Variants in RANBP2 observed in about 807,000 individuals in gnomAD.
RANBP2 encodes RAN binding protein 2, also known as E3 SUMO-protein ligase RanBP2.
RANBP2 carries 57 observed loss-of-function variants against 303.6 expected under a neutral mutation model. The observed-to-expected ratio is 0.19, with a 90% confidence interval of 0.15 to 0.23. The LOEUF (loss-of-function observed/expected upper bound fraction) is 0.23, where lower values mean the gene tolerates loss of function less well. Among genes scored for constraint, RANBP2 ranks in the 10% least tolerant of loss-of-function variants. The pLI, the probability that RANBP2 is intolerant of heterozygous loss-of-function variation, is 1.00. For missense variants in RANBP2, 3,138 were observed against 3,780.8 expected, an observed-to-expected ratio of 0.83 and a Z score of 4.46; for synonymous variants, 1,167 against 1,301.5, an observed-to-expected ratio of 0.90 and a Z score of 2.23.
the RANBP2 span, among the ~76,000 whole-genome samples, chr2:109,328,337 TC>T: frequency 6.6e-6 from 1 of 152,178 alleles, no homozygotes; most frequent in Non-Finnish European, 1.5e-5. Flanking sequence ...TCCACCTATT[TC>T]CTTCATGCCA....
At chr2:109,537,691 A>C in the RANBP2 span, among the ~76,000 whole-genome samples, 2 of 152,122 alleles carry the variant, frequency 1.3e-5, no homozygotes, top group Non-Finnish European at 2.9e-5. Flanking sequence ...CACATCTGTA[A>C]TCTCAGCACT....
At chr2:109,250,917 T>G in the RANBP2 span, among the ~76,000 whole-genome samples, 1 of 152,104 alleles carries the variant, frequency 6.6e-6, no homozygotes, top group African/African-American at 2.4e-5. Context: ...TTTTAAAAAT[T>G]ATCTTTTTAA....
the RANBP2 span, among the ~76,000 whole-genome samples, chr2:109,715,063 G>A: frequency 1.3e-5 from 2 of 151,964 alleles, no homozygotes; most frequent in Non-Finnish European, 2.9e-5. Flanking sequence ...TGCCTTCTGG[G>A]TTCAAGTGAT....
chr2:109,157,601 C>G, the RANBP2 span, among the ~76,000 whole-genome samples: 1 of 152,194 alleles, frequency 6.6e-6, no homozygotes, highest in Non-Finnish European at 1.5e-5. Flanking sequence ...GAGATTGGAA[C>G]TTGGGCTTCC....
chr2:109,234,795 T>A, the RANBP2 span, among the ~76,000 whole-genome samples: 7 of 152,172 alleles, frequency 4.6e-5, no homozygotes, highest in Non-Finnish European at 8.8e-5. Flanking sequence ...ACACCTGACT[T>A]CCTGGGGAAA....
chr2:109,320,728 C>A, the RANBP2 span, among the ~76,000 whole-genome samples: 5 of 152,188 alleles, frequency 3.3e-5, no homozygotes, highest in Non-Finnish European at 7.3e-5. Flanking sequence ...GATGAACAGA[C>A]AAGTAAACAA....
At chr2:108,814,754 G>A in the RANBP2 span, among the ~76,000 whole-genome samples, 1 of 150,496 alleles carries the variant, frequency 6.6e-6, no homozygotes, top group Non-Finnish European at 1.5e-5. Context: ...CTGGGTTCAA[G>A]CCTCCCGAAG....
chr2:109,432,306 C>G, the RANBP2 span, among the ~76,000 whole-genome samples: 20 of 152,160 alleles, frequency 1.3e-4, no homozygotes, highest in Non-Finnish European at 2.4e-4. Flanking sequence ...CGAAGGCTCC[C>G]TGCCTCGTGG....
chr2:109,374,459 A>T, the RANBP2 span, among the ~76,000 whole-genome samples: 1 of 152,194 alleles, frequency 6.6e-6, no homozygotes, highest in Non-Finnish European at 1.5e-5. Flanking sequence ...TGGATCGGAA[A>T]GTCCTGGTTT....
the RANBP2 span, among the ~76,000 whole-genome samples, chr2:109,282,679 A>G: frequency 6.6e-6 from 1 of 152,202 alleles, no homozygotes; most frequent in Non-Finnish European, 1.5e-5. Context: ...CTTCACTTAA[A>G]GTGGGTCTGG....
the RANBP2 span, among the ~76,000 whole-genome samples, chr2:108,921,844 G>T: frequency 1.3e-5 from 2 of 152,228 alleles, no homozygotes; most frequent in African/African-American, 2.4e-5. Flanking sequence ...CTTGCCCAAG[G>T]GGCCTCTAAT....
At chr2:109,493,342 T>C in the RANBP2 span, among the ~76,000 whole-genome samples, 6 of 129,124 alleles carry the variant, frequency 4.6e-5, no homozygotes, top group Middle Eastern at 0.012. Context: ...ACACCCCACA[T>C]ACGTCATACA....
the RANBP2 span, among the ~76,000 whole-genome samples, chr2:109,249,576 CTTCCTTCCT>C: frequency 1.2e-4 from 14 of 116,990 alleles, no homozygotes; most frequent in South Asian, 5.1e-4. Context: ...TCCTTCCTTC[CTTCCTTCCT>C]TTCCTTTCTT....
At chr2:109,450,974 C>T in the RANBP2 span, among the ~76,000 whole-genome samples, 4 of 152,226 alleles carry the variant, frequency 2.6e-5, no homozygotes, top group South Asian at 2.1e-4. Context: ...CCAAACCCAG[C>T]GCTGACTCGG....
At chr2:109,401,406 C>A in the RANBP2 span, among the ~76,000 whole-genome samples, 2 of 152,318 alleles carry the variant, frequency 1.3e-5, no homozygotes, top group Admixed American at 1.3e-4. Flanking sequence ...CCTAGAAGAG[C>A]AAAGGCCACT....
the RANBP2 span, among the ~76,000 whole-genome samples, chr2:108,962,244 G>A: frequency 6.6e-6 from 1 of 152,210 alleles, no homozygotes; most frequent in African/African-American, 2.4e-5. Flanking sequence ...TTTCACACAT[G>A]TGAACCAACG....
At chr2:108,775,676 C>G (rs1677829260) in intron 23 of RANBP2, 56 bp from the exon 24 acceptor site, 4 of 1,564,650 alleles carry the variant, frequency 2.6e-6, no homozygotes, top group Non-Finnish European at 2.6e-6. Flanking sequence ...ATTATATAAT[C>G]TGTTTTGTAA....
At chr2:109,656,362 AG>A in the RANBP2 span, among the ~76,000 whole-genome samples, 1 of 152,100 alleles carries the variant, frequency 6.6e-6, no homozygotes, top group African/African-American at 2.4e-5. Flanking sequence ...GTTTGAGACA[AG>A]GTCTTGCTTT....
the RANBP2 span, among the ~76,000 whole-genome samples, chr2:109,640,684 A>G: frequency 3.3e-5 from 5 of 152,184 alleles, no homozygotes; most frequent in African/African-American, 9.6e-5. Context: ...AACTGCTCTT[A>G]GGAGTCCCGG....
Sources: gnomAD v4.1 joint callset for allele counts (sites outside exome capture counted in the v4.1 genomes callset) on GRCh38, gnomAD v4.1.1 for gene constraint, MANE v1.5 for transcripts, NCBI Gene and HGNC (gene_info 2026-07-23, HGNC 2026-07-21) for gene names.